The following NAV1 variants were observed in gnomAD, a reference collection of about 807,000 sequenced individuals.
NAV1 encodes pore membrane and/or filament interacting like protein 3.
Under a neutral mutation model 175.2 loss-of-function variants are expected in NAV1, and 18 were observed. The ratio of observed to expected loss-of-function variants is 0.10; its 90% CI spans 0.07 to 0.15. NAV1 has a LOEUF of 0.15. NAV1 is among the 10% of genes least tolerant of loss of function. The probability of loss-of-function intolerance (pLI) is 1.00; values close to 1 mark genes in which losing one functional copy is unlikely to be tolerated. For synonymous variants in NAV1, 897 were observed against 978.7 expected (o/e 0.92, Z 1.56); for missense variants, 1,731 against 2,436.6 (o/e 0.71, Z 6.10).
chr1:201,636,491 C>T (rs919234081), intron 2 of NAV1, among the ~76,000 whole-genome samples: 4 of 152,152 alleles, frequency 2.6e-5, no homozygotes, highest in African/African-American at 9.7e-5. Context: ...TTTAAAAGGG[C>T]GGAAGGAATA....
chr1:201,720,129 T>C (rs1213563810), intron 3 of NAV1, among the ~76,000 whole-genome samples: 3 of 152,220 alleles, frequency 2.0e-5, no homozygotes, highest in African/African-American at 7.2e-5. Context: ...CCTGAGCTCC[T>C]TCTGTGGTCA....
At chr1:201,796,529 T>C (rs571458645) in intron 15 of NAV1, 5 of 152,394 alleles carry the variant, frequency 3.3e-5, no homozygotes, top group East Asian at 1.9e-4. Context: ...GGTTTCACCA[T>C]GTTGGCCAGG....
At chr1:201,635,341 A>C (rs1668590857) in intron 2 of NAV1, among the ~76,000 whole-genome samples, 1 of 152,096 alleles carries the variant, frequency 6.6e-6, no homozygotes, top group South Asian at 2.1e-4. Context: ...CATTGCACCC[A>C]ACCCATTTGC....
chr1:201,629,200 T>A (rs1181010806), intron 1 of NAV1, among the ~76,000 whole-genome samples: 1 of 152,198 alleles, frequency 6.6e-6, no homozygotes, highest in Non-Finnish European at 1.5e-5. Flanking sequence ...GCTCCCTGCC[T>A]GGCGCAGCTT....
At chr1:201,554,156 C>A (rs1361190527) in intron 1 of NAV1, among the ~76,000 whole-genome samples, 1 of 152,194 alleles carries the variant, frequency 6.6e-6, no homozygotes, top group Non-Finnish European at 1.5e-5. Flanking sequence ...CCCCTGGTTT[C>A]CCCATAAGAC....
At chr1:201,736,598 C>T (rs1167391864) in intron 3 of NAV1, among the ~76,000 whole-genome samples, 2 of 152,174 alleles carry the variant, frequency 1.3e-5, no homozygotes, top group African/African-American at 2.4e-5. Context: ...ATTACCCCCT[C>T]CCAGGAATCT....
Position 201,782,568 on chromosome 1 carries a change from G to A in NAV1, c.2056G>A (p.Gly686Ser), listed in dbSNP as rs772204331. Residue 686 changes from glycine to serine, a missense_variant, in exon 6 of 30, where the codon GGC becomes AGC. Physicochemically the swap from Gly to Ser is moderately conservative, Grantham distance 56. Around this residue, in one of 13 missense-constraint regions of NAV1, gnomAD observed 634 missense variants for 766.8 expected, o/e 0.83. Coordinates refer to ENST00000367296, the Ensembl canonical transcript of NAV1. This position sits in a 1 kb window ranked among gnomAD's most constrained non-coding sequence, Gnocchi z 5.4. ...CAAGTCAAGTTCTATGAGCGTGACC[G>A]GCGGGCGGGGTGGACCTCGCCCTGT... The A allele has an allele frequency of 1.7e-5, 28 of 1,611,652 alleles. No individual in the cohort carries two copies. Among genetic ancestry groups the A allele is most frequent in the South Asian group, 6.6e-5 (6 of 91,020 alleles).
rs1667543227 is a variant in NAV1, at chr1:201,602,388, C to T, written c.-33+13739C>T. Among the ~76,000 whole-genome samples the T allele has an allele frequency of 2.0e-5, 3 of 152,154 alleles. No individual in the cohort carries two copies. The South Asian group carries it at 6.2e-4, about 32-fold the overall frequency. ...ATGGAGTCTCGTTCTGTCACCCAGG[C>T]GGGAGTACAGTGGCGCGGTCTCGGC... On this transcript the variant is annotated intron_variant, in intron 2 of 33. Coordinates refer to the NAV1 transcript ENST00000685211.
At chr1:201,745,215 A>C (rs1013668285) in intron 3 of NAV1, among the ~76,000 whole-genome samples, 3 of 152,338 alleles carry the variant, frequency 2.0e-5, no homozygotes, top group Middle Eastern at 3.4e-3. Flanking sequence ...TGATTGGGTA[A>C]GAAATATTGA....
At chr1:201,549,608 T>A (rs1041492315) in intron 1 of NAV1, among the ~76,000 whole-genome samples, 5 of 152,092 alleles carry the variant, frequency 3.3e-5, no homozygotes. Flanking sequence ...GTAGTCATGA[T>A]CATGTAAATG....
chr1:201,726,199 C>T (rs1424456916), intron 3 of NAV1, among the ~76,000 whole-genome samples: 2 of 152,174 alleles, frequency 1.3e-5, no homozygotes, highest in African/African-American at 4.8e-5. Flanking sequence ...AAGCACGGCT[C>T]TAACTTGCTG....
In NAV1 at chr1:201,744,179, G is replaced by A. The variant is rs569077431; in HGVS notation, c.1226+25424G>A. Among the ~76,000 whole-genome samples the A allele has an allele frequency of 3.9e-5, 6 of 152,238 alleles. No individual in the cohort carries two copies. The South Asian group carries it at 6.2e-4, about 16-fold the overall frequency. ...ATTACAGGCATGAGCCACCACACCCGGTCAAAACATGATTTTTTTAAAAAG... is the reference window on the plus strand; with the variant it reads ...ATTACAGGCATGAGCCACCACACCCAGTCAAAACATGATTTTTTTAAAAAG... On this transcript the variant is annotated intron_variant, in intron 3 of 29. Transcript: ENST00000367296.
Position 201,807,670 on chromosome 1 carries a change from C to CCTTT in NAV1, c.3649-266_3649-263dup, listed in dbSNP as rs906480839. 2.0e-5 allele frequency among the ~76,000 whole-genome samples: 3 copies of CCTTT among 151,998 alleles called. No homozygotes were observed. Among genetic ancestry groups the CCTTT allele is most frequent in the Admixed American group, 6.6e-5 (1 of 15,252 alleles). On this transcript the variant is annotated intron_variant, in intron 17 of 29. Coordinates refer to ENST00000367296, the Ensembl canonical transcript of NAV1. The surrounding 1 kb of genome is among the most constrained non-coding windows in gnomAD (Gnocchi z 5.4). ...CTGTTCTTTCTCTTGGTCCTAATTTCCTTTCTTTCTTTCTTTCTTTTGAGA... is the reference window on the plus strand; with the variant it reads ...CTGTTCTTTCTCTTGGTCCTAATTTCCTTTCTTTCTTTCTTTCTTTCTTTTGAGA...
rs1045196438 is a variant in NAV1 at position 201,539,955 on chromosome 1, A to G, written c.-144+613A>G. ...CGCCCAGTGCGTCTGGGAGCGGAGA[A>G]AGTGGTCCCGGAGGAGAGGGGAGAG... On this transcript the variant is annotated intron_variant, in intron 1 of 33. Transcript: ENST00000685211. The surrounding 1 kb of genome is among the most constrained non-coding windows in gnomAD (Gnocchi z 5.6). 1.3e-5 allele frequency among the ~76,000 whole-genome samples: 2 copies of G among 152,146 alleles called. No homozygotes were observed. Among genetic ancestry groups the G allele is most frequent in the Non-Finnish European group, 2.9e-5 (2 of 67,998 alleles).
chr1:201,566,259 G>A (rs61819721), intron 1 of NAV1, among the ~76,000 whole-genome samples: 15,307 of 152,114 alleles, frequency 0.1, 999 homozygotes, highest in South Asian at 0.16. Flanking sequence ...TGAAATGCCG[G>A]CAGCTCCAGC....
chr1:201,680,586 C>G lies in NAV1; in HGVS notation c.757+31161C>G, dbSNP rs1307891332. ...GTGAATTAATAGAGTGAGAACTCAC[C>G]CATTATAGAGAGGACAGCACTAAGC... On this transcript the variant is annotated intron_variant, in intron 1 of 29. Coordinates refer to ENST00000367296, the Ensembl canonical transcript of NAV1. 2.6e-5 allele frequency among the ~76,000 whole-genome samples: 4 copies of G among 151,678 alleles called. No homozygotes were observed. The East Asian group carries it at 7.7e-4, about 29-fold the overall frequency.
chr1:201,810,503 T>C lies in NAV1; in HGVS notation c.4562-20T>C, dbSNP rs940985870. 6 of 1,593,454 alleles carry C rather than the reference T, an allele frequency of 3.8e-6. No homozygotes were observed. The highest frequency in any genetic ancestry group is 1.8e-5 in the Admixed American group (1 of 56,778). ...TCAAGACCCTGGTCAATACTCATGC[T>C]TTCTGGGGTGGGGGTTCAGGTCTGA... On this transcript the variant is annotated intron_variant, in intron 23 of 29. Transcript: ENST00000367296. The surrounding 1 kb of genome is among the most constrained non-coding windows in gnomAD (Gnocchi z 6.0).
intron 3 of NAV1, among the ~76,000 whole-genome samples, chr1:201,742,762 T>C (rs1673506576): frequency 6.6e-6 from 1 of 152,020 alleles, no homozygotes; most frequent in Admixed American, 6.6e-5. Context: ...GAGGACAGAA[T>C]ACCTAGGGAC....
intron 1 of NAV1, among the ~76,000 whole-genome samples, chr1:201,655,015 C>T (rs1669345081): frequency 6.6e-6 from 1 of 152,226 alleles, no homozygotes; most frequent in Admixed American, 6.5e-5. Context: ...TGGGGTCAGA[C>T]ACCTATCTAT....
Sources: allele counts gnomAD v4.1 joint callset (sites outside exome capture counted in the v4.1 genomes callset), GRCh38; gene constraint gnomAD v4.1.1; regional missense constraint gnomAD v4.1.1; non-coding constraint Gnocchi (gnomAD v3.1); transcripts MANE v1.5; gene names NCBI Gene and HGNC (gene_info 2026-07-23, HGNC 2026-07-21).